Variants in EIF1AX observed in about 807,000 individuals in gnomAD.
EIF1AX encodes the protein eukaryotic translation initiation factor 1A, X-chromosomal.
A neutral mutation model predicts 16.1 loss-of-function variants in EIF1AX; 1 was observed. That is an observed-to-expected ratio of 0.06 (90% CI 0.02 to 0.30). EIF1AX has a LOEUF of 0.30. EIF1AX is among the 10% of genes least tolerant of loss of function. EIF1AX has a pLI of 1.00. For synonymous variants in EIF1AX, 32 were observed against 37.3 expected, an observed-to-expected ratio of 0.86 and a Z score of 0.51; for missense variants, 11 against 109.1, an observed-to-expected ratio of 0.10 and a Z score of 4.00.
Position 20,138,632 on chromosome X carries a change from T to TA in EIF1AX, c.17-11dup, listed in dbSNP as rs760888515. 28 of 1,110,501 alleles carry TA rather than the reference T, an allele frequency of 2.5e-5. No individual in the cohort carries two copies. The highest frequency in any genetic ancestry group is 5.9e-5 in the South Asian group (3 of 50,613). The allele number at this position is 1,110,501 out of a possible 1,213,427, so 91.5% of individuals were successfully genotyped here. Reference sequence around the variant, plus strand: ...TTTTTACCTCCTTTACCTGATGGTTTAAAAAAAAGAAAAGGAGGTAAATGA... The same window carrying TA: ...TTTTTACCTCCTTTACCTGATGGTTTAAAAAAAAAGAAAAGGAGGTAAATGA... On this transcript the variant is annotated splice_polypyrimidine_tract_variant and intron_variant, in intron 1 of 6. Coordinates refer to ENST00000379607, the MANE Select transcript of EIF1AX (RefSeq NM_001412.4).
chrX:20,138,582 A>G lies in EIF1AX; in HGVS notation c.57T>C (p.Asn19=), dbSNP rs200817041. The G allele has an allele frequency of 3.8e-4, 456 of 1,204,304 alleles. No homozygotes were observed. The highest frequency in any genetic ancestry group is 5.0e-4 in the Non-Finnish European group (444 of 891,583). ...ATACCAGTTCTCTTTTTTCAGATTC[A>G]TTCTCATTCTTACCCCTGCGTCTGT... ...GKNRRRGKNE[N]ESEKRELVFK... is the part of the protein sequence containing the mutation. Residue 19 remains asparagine (N), a synonymous_variant, in exon 2 of 7, where the codon AAT becomes AAC. Transcript: ENST00000379607.
intron 2 of EIF1AX, among the ~76,000 whole-genome samples, chrX:20,136,738 C>T (rs768462851): frequency 9.0e-6 from 1 of 111,721 alleles, no homozygotes; most frequent in Non-Finnish European, 1.9e-5. Flanking sequence ...CACCCATCTA[C>T]CACCTCAACA....
At position 20,125,114 on chromosome X, in the gene EIF1AX, G is replaced by A. The variant is rs1267014303; in HGVS notation, c.*3192C>T. On this transcript the variant is annotated 3_prime_UTR_variant, in exon 7 of 7. Transcript: ENST00000379607. ...GAACCTGAAGCTGAGACAAGCAGGAGAATGTGCCAGTGGTCACCTGCAGGT... is the reference window on the plus strand; with the variant it reads ...GAACCTGAAGCTGAGACAAGCAGGAAAATGTGCCAGTGGTCACCTGCAGGT... 6.8e-6 allele frequency: 1 copy of A among 147,671 alleles called. No individual in the cohort carries two copies. The highest frequency in any genetic ancestry group is 1.3e-5 in the Non-Finnish European group (1 of 74,875). The allele number at this position is 147,671 out of a possible 1,213,427, so 12.2% of individuals were successfully genotyped here.
chrX:20,131,212 G>T (rs763504595), intron 5 of EIF1AX, among the ~76,000 whole-genome samples: 1 of 112,197 alleles, frequency 8.9e-6, no homozygotes, highest in South Asian at 3.7e-4. Context: ...CTTATTTTTA[G>T]GTTTTCTGCG....
chrX:20,138,679 TATGAAATAAA>T, intron 1 of EIF1AX, 57 bp from the exon 2 acceptor site: 1 of 855,487 alleles, frequency 1.2e-6, no homozygotes, highest in Non-Finnish European at 1.6e-6. Flanking sequence ...TGTAAAACAG[TATGAAATAAA>T]ATGAAATTAA....
In EIF1AX at chrX:20,127,601, G is replaced by C. The variant is rs6527969; in HGVS notation, c.*705C>G. The C allele has an allele frequency of 3.7e-5, 5 of 135,661 alleles. No homozygotes were observed. Among genetic ancestry groups the C allele is most frequent in the South Asian group, 3.7e-4 (1 of 2,696 alleles). 11.2% of individuals were successfully genotyped at this position (135,661 alleles called of 1,213,427 possible). ...CATAGTAAAAGAAAAGTCAACAATT[G>C]TATCAGTACTTCCCCTGTTAAGATA... On this transcript the variant is annotated 3_prime_UTR_variant, in exon 7 of 7. Transcript: ENST00000379607.
chrX:20,135,720 A>T lies in EIF1AX; in HGVS notation c.204+18T>A. ...CCCTTAACCAATTTTATATTAAAGTAAAACAAATCACACCTACCTTTTTTC... is the reference window on the plus strand; with the variant it reads ...CCCTTAACCAATTTTATATTAAAGTTAAACAAATCACACCTACCTTTTTTC... On this transcript the variant is annotated intron_variant, in intron 3 of 6. Transcript: ENST00000379607. 8.7e-7 allele frequency: 1 copy of T among 1,146,169 alleles called. No individual in the cohort carries two copies. Among genetic ancestry groups the T allele is most frequent in the Non-Finnish European group, 1.2e-6 (1 of 836,186 alleles). The allele number at this position is 1,146,169 out of a possible 1,213,427, so 94.5% of individuals were successfully genotyped here.
At position 20,141,805 on chromosome X, in the gene EIF1AX, C is replaced by A. The variant is rs2067035598; in HGVS notation, c.-165G>T. Reference sequence around the variant, plus strand: ...GCTGGCGACCCAGCTCTTCAGAGATCCGCCTGCGTCCACGCTCGGCGGCAG... The same window carrying A: ...GCTGGCGACCCAGCTCTTCAGAGATACGCCTGCGTCCACGCTCGGCGGCAG... On this transcript the variant is annotated 5_prime_UTR_variant, in exon 1 of 7. Transcript: ENST00000379607. The A allele has an allele frequency of 6.3e-6, 3 of 473,818 alleles. No individual in the cohort carries two copies. The highest frequency in any genetic ancestry group is 1.0e-5 in the Non-Finnish European group (3 of 299,518). The allele number at this position is 473,818 out of a possible 1,213,427, so 39.0% of individuals were successfully genotyped here.
intron 4 of EIF1AX, among the ~76,000 whole-genome samples, chrX:20,133,226 T>C (rs911828804): frequency 2.7e-5 from 3 of 111,898 alleles, no homozygotes; most frequent in East Asian, 2.8e-4. Context: ...TCTGGGGTTA[T>C]TGTTAGATCA....
In EIF1AX at chrX:20,125,608, CAAGTA is replaced by C. The variant is rs760196286; in HGVS notation, c.*2693_*2697del. On this transcript the variant is annotated 3_prime_UTR_variant, in exon 7 of 7. Coordinates refer to ENST00000379607, the MANE Select transcript of EIF1AX (RefSeq NM_001412.4). Reference sequence around the variant, plus strand: ...TACCGGTTGTTGTTAAGTCTGTATACAAGTAAAGTATAAATCTAGCTATTTTACTC... The same window carrying C: ...TACCGGTTGTTGTTAAGTCTGTATACAAGTATAAATCTAGCTATTTTACTC... 17 of 166,414 alleles carry C rather than the reference CAAGTA, an allele frequency of 1.0e-4. No homozygotes were observed. The Admixed American group carries it at 1.1e-3, about 10-fold the overall frequency. The allele number at this position is 166,414 out of a possible 1,213,427, so 13.7% of individuals were successfully genotyped here.
chrX:20,134,083 G>A, intron 3 of EIF1AX, 76 bp from the exon 4 acceptor site: 1 of 1,057,103 alleles, frequency 9.5e-7, no homozygotes, highest in Non-Finnish European at 1.3e-6. Flanking sequence ...CAATCAATTA[G>A]TTTAGAAATT....
chrX:20,132,042 T>G, intron 5 of EIF1AX, 140 bp downstream of exon 5: 1 of 371,748 alleles, frequency 2.7e-6, no homozygotes, highest in Admixed American at 4.5e-5. Context: ...TATCTAGTAT[T>G]ATGAAGCATA....
At chrX:20,139,686 G>A (rs937680702) in intron 1 of EIF1AX, among the ~76,000 whole-genome samples, 4 of 111,472 alleles carry the variant, frequency 3.6e-5, no homozygotes, top group Non-Finnish European at 5.6e-5. Flanking sequence ...AAAAAAAAAT[G>A]GAGGACACTT....
chrX:20,136,109 A>T, intron 2 of EIF1AX: 2 of 306,190 alleles, frequency 6.5e-6, no homozygotes, highest in Middle Eastern at 6.6e-4. Context: ...TACAAAGGTC[A>T]GTCGTAAAAC....
chrX:20,135,205 G>A (rs1383027523), intron 3 of EIF1AX, among the ~76,000 whole-genome samples: 1 of 105,780 alleles, frequency 9.5e-6, no homozygotes, highest in Admixed American at 1.1e-4. Flanking sequence ...CCAGCATTTT[G>A]GGAGGCCAAG....
intron 5 of EIF1AX, among the ~76,000 whole-genome samples, chrX:20,130,884 AACG>A (rs1281636927): frequency 1.8e-5 from 2 of 111,586 alleles, no homozygotes; most frequent in Admixed American, 9.5e-5. Context: ...ATATGGTAAC[AACG>A]TATTTCCTTA....
intron 2 of EIF1AX, among the ~76,000 whole-genome samples, chrX:20,138,285 G>A (rs766533790): frequency 1.8e-5 from 2 of 109,798 alleles, no homozygotes; most frequent in South Asian, 7.8e-4. Flanking sequence ...TTACAGACGT[G>A]AGCCACTGCG....
chrX:20,131,099 T>C (rs1355859174), intron 5 of EIF1AX, among the ~76,000 whole-genome samples: 2 of 112,077 alleles, frequency 1.8e-5, no homozygotes, highest in Non-Finnish European at 3.8e-5. Flanking sequence ...TTATGTTTTT[T>C]CTTAAGATAC....
intron 3 of EIF1AX, among the ~76,000 whole-genome samples, chrX:20,134,475 C>T (rs990176011): frequency 9.1e-6 from 1 of 109,765 alleles, no homozygotes; most frequent in Admixed American, 9.6e-5. Flanking sequence ...TTGTGGCTCA[C>T]GCCTATAATC....
Sources: allele counts gnomAD v4.1 joint callset (sites outside exome capture counted in the v4.1 genomes callset), GRCh38; gene constraint gnomAD v4.1.1; transcripts MANE v1.5; gene names NCBI Gene and HGNC (gene_info 2026-07-23, HGNC 2026-07-21).